Variants in NXPH1 observed in about 807,000 individuals in gnomAD.
The protein encoded by NXPH1 is neurexophilin-1.
In NXPH1, 5 loss-of-function variants were observed where a neutral mutation model predicts 23.7. That is an observed-to-expected ratio of 0.21 (90% confidence interval 0.11 to 0.44). NXPH1 has a LOEUF of 0.44. Among genes scored for constraint, NXPH1 ranks in the 20% least tolerant of loss-of-function variants. The pLI, the probability that NXPH1 is intolerant of heterozygous loss-of-function variation, is 0.99. For missense variants in NXPH1, 324 were observed against 321.6 expected, an observed-to-expected ratio of 1.01 and a Z score of -0.06; for synonymous variants, 144 against 122.2, an observed-to-expected ratio of 1.18 and a Z score of -1.18.
At chr7:8,714,372 A>G (rs990530213) in intron 2 of NXPH1, among the ~76,000 whole-genome samples, 7 of 151,868 alleles carry the variant, frequency 4.6e-5, no homozygotes, top group African/African-American at 1.5e-4. Flanking sequence ...AGGTCCAGAG[A>G]TGCCATTCAA....
intron 2 of NXPH1, among the ~76,000 whole-genome samples, chr7:8,502,022 T>A (rs1251455986): frequency 7.5e-6 from 1 of 132,814 alleles, no homozygotes; most frequent in African/African-American, 2.6e-5. Flanking sequence ...AATGGGGGAG[T>A]TAACAGAGTG....
intron 2 of NXPH1, among the ~76,000 whole-genome samples, chr7:8,634,665 GTTTTTTT>G (rs144810873): frequency 0.4 from 38,657 of 96,914 alleles, 6,289 homozygotes; most frequent in African/African-American, 0.46. Context: ...GTCCAGAAGA[GTTTTTTT>G]TTTTTTTTTT....
chr7:8,701,677 T>A (rs1467442701), intron 2 of NXPH1, among the ~76,000 whole-genome samples: 1 of 152,086 alleles, frequency 6.6e-6, no homozygotes, highest in Non-Finnish European at 1.5e-5. Flanking sequence ...GTTTTAATCA[T>A]CTATGTAGAA....
Position 8,594,934 on chromosome 7 carries a change from A to G in NXPH1, c.55-156074A>G, listed in dbSNP as rs151283250. ...GTGTATTTCCATTAATTAGCAATGC[A>G]GGAAGCAGACACCAAAAGGTGAGCA... On this transcript the variant is annotated intron_variant, in intron 2 of 2. Transcript: ENST00000405863. 7.6e-3 allele frequency among the ~76,000 whole-genome samples: 1,160 copies of G among 152,184 alleles called. 16 individuals are homozygous for G. Among genetic ancestry groups the G allele is most frequent in the African/African-American group, 0.025 (1,024 of 41,542 alleles).
intron 2 of NXPH1, among the ~76,000 whole-genome samples, chr7:8,630,432 A>G (rs1820103159): frequency 6.6e-6 from 1 of 152,138 alleles, no homozygotes. Flanking sequence ...CCAAGTTGCA[A>G]TACATTCCCA....
intron 2 of NXPH1, among the ~76,000 whole-genome samples, chr7:8,561,604 A>G (rs1282280991): frequency 6.6e-6 from 1 of 151,646 alleles, no homozygotes; most frequent in Non-Finnish European, 1.5e-5. Context: ...CTGTTGGCAG[A>G]AACAGATTCA....
chr7:8,653,687 T>C (rs1244405375), intron 2 of NXPH1, among the ~76,000 whole-genome samples: 1 of 152,200 alleles, frequency 6.6e-6, no homozygotes, highest in Non-Finnish European at 1.5e-5. Flanking sequence ...TGGGGAATAT[T>C]TGCCCTCTTG....
At chr7:8,690,057 A>T (rs936644765) in intron 2 of NXPH1, among the ~76,000 whole-genome samples, 1 of 152,124 alleles carries the variant, frequency 6.6e-6, no homozygotes, top group African/African-American at 2.4e-5. Context: ...CTTTTCTTAT[A>T]ATAGTGTAAT....
rs574018153 is a variant in NXPH1, at chr7:8,624,562, G to A, written c.55-126446G>A. Among the ~76,000 whole-genome samples, 58 of 152,246 alleles carry A rather than the reference G, an allele frequency of 3.8e-4. 1 individual carries two copies. The highest frequency in any genetic ancestry group is 1.3e-3 in the African/African-American group (55 of 41,552). ...GCAGACAAAGCAGGCCAAACCAGAAGGGAAAAGATAGTGTCATGTGGAGAA... is the reference window on the plus strand; with the variant it reads ...GCAGACAAAGCAGGCCAAACCAGAAAGGAAAAGATAGTGTCATGTGGAGAA... On this transcript the variant is annotated intron_variant, in intron 2 of 2. Transcript: ENST00000405863.
intron 2 of NXPH1, among the ~76,000 whole-genome samples, chr7:8,688,280 C>G (rs1280914540): frequency 1.3e-5 from 2 of 152,094 alleles, no homozygotes; most frequent in East Asian, 3.9e-4. Context: ...TTTAATAACA[C>G]TAATGTAAGT....
intron 2 of NXPH1, among the ~76,000 whole-genome samples, chr7:8,735,293 C>G (rs1427828755): frequency 6.6e-6 from 1 of 152,064 alleles, no homozygotes; most frequent in Non-Finnish European, 1.5e-5. Flanking sequence ...ATAAATAGCT[C>G]TTAGTATTTT....
At chr7:8,484,763 G>C (rs1406562354) in intron 2 of NXPH1, among the ~76,000 whole-genome samples, 1 of 152,052 alleles carries the variant, frequency 6.6e-6, no homozygotes, top group African/African-American at 2.4e-5. Flanking sequence ...AAAAATAGTG[G>C]TATCCTTTCT....
At chr7:8,635,083 C>T (rs753504651) in intron 2 of NXPH1, among the ~76,000 whole-genome samples, 1 of 152,246 alleles carries the variant, frequency 6.6e-6, no homozygotes, top group East Asian at 1.9e-4. Context: ...GACTAGAGAT[C>T]TTACCTGTCT....
At chr7:8,685,232 C>T (rs1466188072) in intron 2 of NXPH1, among the ~76,000 whole-genome samples, 1 of 151,008 alleles carries the variant, frequency 6.6e-6, no homozygotes, top group Non-Finnish European at 1.5e-5. Flanking sequence ...GGTTATAATA[C>T]CCTAAGCCAA....
chr7:8,499,755 A>G (rs901363861), intron 2 of NXPH1, among the ~76,000 whole-genome samples: 2 of 152,050 alleles, frequency 1.3e-5, no homozygotes, highest in Non-Finnish European at 1.5e-5. Flanking sequence ...GCTATTTTTG[A>G]GGCCTTTACT....
At chr7:8,542,531 A>T (rs1818135545) in intron 2 of NXPH1, among the ~76,000 whole-genome samples, 1 of 151,694 alleles carries the variant, frequency 6.6e-6, no homozygotes, top group Non-Finnish European at 1.5e-5. Context: ...CAGTGTTTTC[A>T]AATCTACATA....
intron 2 of NXPH1, among the ~76,000 whole-genome samples, chr7:8,637,330 C>A (rs1820232576): frequency 6.6e-6 from 1 of 151,814 alleles, no homozygotes; most frequent in Non-Finnish European, 1.5e-5. Context: ...ACAAGTGATT[C>A]TCCTACACCA....
chr7:8,676,332 A>C (rs1052145573), intron 2 of NXPH1, among the ~76,000 whole-genome samples: 2 of 152,176 alleles, frequency 1.3e-5, no homozygotes, highest in African/African-American at 4.8e-5. Flanking sequence ...GGTGCTCTGT[A>C]CTTTAGTTGG....
At chr7:8,642,175 C>T (rs577134526) in intron 2 of NXPH1, among the ~76,000 whole-genome samples, 7 of 152,272 alleles carry the variant, frequency 4.6e-5, no homozygotes, top group Admixed American at 2.6e-4. Context: ...ATCCTTTTTA[C>T]GGGTACTTTG....
Sources: gnomAD v4.1 joint callset for allele counts (sites outside exome capture counted in the v4.1 genomes callset) on GRCh38, gnomAD v4.1.1 for gene constraint, MANE v1.5 for transcripts, NCBI Gene and HGNC (gene_info 2026-07-23, HGNC 2026-07-21) for gene names.